Variants in CNKSR2 observed in about 807,000 individuals in gnomAD.
CNKSR2 encodes CNK homolog protein 2.
In CNKSR2, 14 loss-of-function variants were observed where a neutral mutation model predicts 84.4. The observed-to-expected ratio is 0.17, with a 90% confidence interval of 0.11 to 0.26. CNKSR2 has a LOEUF of 0.26. Ranked by LOEUF, CNKSR2 falls within the 10% of genes least tolerant of loss-of-function variation. The pLI is 1.00. For missense variants in CNKSR2, 485 were observed against 771.2 expected (o/e 0.63, Z 4.40); for synonymous variants, 275 against 277.9 (o/e 0.99, Z 0.10).
At chrX:21,469,545 TTG>T (rs1049808070) in intron 4 of CNKSR2, among the ~76,000 whole-genome samples, 3 of 110,546 alleles carry the variant, frequency 2.7e-5, no homozygotes, top group African/African-American at 9.9e-5. Context: ...GGAAATGGGT[TTG>T]TTTTTTTTTT....
Position 21,374,597 on chromosome X carries a change from A to AGCAGCAGCG in CNKSR2, c.-293_-292insGGCAGCAGC, listed in dbSNP as rs1715533003. On this transcript the variant is annotated 5_prime_UTR_variant, in exon 1 of 22. Coordinates refer to ENST00000379510, the MANE Select transcript of CNKSR2 (RefSeq NM_014927.5). ...GAGACCGGAGCGGAGCGGCGGAGGC[A>AGCAGCAGCG]GCAGCAGCAGCAGCAGCAGCAGCAG... The AGCAGCAGCG allele has an allele frequency of 1.0e-5, 3 of 294,403 alleles. No homozygotes were observed. In the African/African-American group the frequency reaches 1.6e-4, roughly 15 times the overall value. 24.3% of individuals were successfully genotyped at this position (294,403 alleles called of 1,213,427 possible). A position where few individuals can be genotyped will look rare whatever the true frequency, so the allele number is the denominator to read the frequency against.
rs772168806 is a variant in CNKSR2, at chrX:21,590,491, C to G, written c.1609-81C>G. The G allele has an allele frequency of 2.6e-5, 24 of 928,421 alleles. No individual in the cohort carries two copies. The South Asian group carries it at 5.5e-4, about 21-fold the overall frequency. The allele number at this position is 928,421 out of a possible 1,213,427, so 76.5% of individuals were successfully genotyped here. A position where few individuals can be genotyped will look rare whatever the true frequency, so the allele number is the denominator to read the frequency against. ...CAGTGTTTAGAGTCATCATTTAGCTCTTGAGAGTTCTGTGTAGCGTGCTGG... is the reference window on the plus strand; with the variant it reads ...CAGTGTTTAGAGTCATCATTTAGCTGTTGAGAGTTCTGTGTAGCGTGCTGG... On this transcript the variant is annotated intron_variant, in intron 13 of 21. Coordinates refer to ENST00000379510, the MANE Select transcript of CNKSR2 (RefSeq NM_014927.5).
chrX:21,628,894 T>C (rs1282415404), intron 20 of CNKSR2, among the ~76,000 whole-genome samples: 1 of 112,567 alleles, frequency 8.9e-6, no homozygotes, highest in Non-Finnish European at 1.9e-5. Context: ...AGCTTGAATT[T>C]CTCCTCAGAA....
intron 6 of CNKSR2, chrX:21,494,778 T>C (rs2091476242): frequency 9.0e-6 from 1 of 111,698 alleles, no homozygotes; most frequent in African/African-American, 3.3e-5. Flanking sequence ...AAGGCTTAGT[T>C]TGAGGACAGG....
chrX:21,458,426 G>T (rs758042750), intron 4 of CNKSR2, among the ~76,000 whole-genome samples: 77 of 112,296 alleles, frequency 6.9e-4, no homozygotes, highest in African/African-American at 2.4e-3. Context: ...AAGCTGGGAT[G>T]CTGTAAGGCA....
chrX:21,605,182 G>A (rs930859966), intron 18 of CNKSR2, among the ~76,000 whole-genome samples: 1 of 111,397 alleles, frequency 9.0e-6, no homozygotes, highest in Admixed American at 9.5e-5. Context: ...GCTAAGATTC[G>A]AACCTACACC....
intron 3 of CNKSR2, among the ~76,000 whole-genome samples, chrX:21,439,378 A>G (rs751730311): frequency 9.0e-6 from 1 of 111,247 alleles, no homozygotes; most frequent in African/African-American, 3.2e-5. Flanking sequence ...GGAAGTGTAT[A>G]GCACTGAATG....
intron 8 of CNKSR2, among the ~76,000 whole-genome samples, chrX:21,513,118 C>G (rs1441032375): frequency 8.9e-6 from 1 of 111,902 alleles, no homozygotes; most frequent in Non-Finnish European, 1.9e-5. Flanking sequence ...CGTGGACAAG[C>G]TAAACAGTTG....
At chrX:21,530,641 T>G (rs929046969) in intron 10 of CNKSR2, among the ~76,000 whole-genome samples, 4 of 111,272 alleles carry the variant, frequency 3.6e-5, no homozygotes, top group Non-Finnish European at 7.6e-5. Context: ...TGGCACTGTT[T>G]AGGGTAACCA....
In CNKSR2 at chrX:21,551,030, C is replaced by CA. The variant is rs201507178; in HGVS notation, c.1304-10426dup. ...TGGGCAACAGAGCAAGACTCCATCT[C>CA]AAAAAAAAAAAAAAATGAGTTTATG... is the stretch of plus-strand genomic sequence containing the variant. On this transcript the variant is annotated intron_variant, in intron 11 of 21. Coordinates refer to ENST00000379510, the MANE Select transcript of CNKSR2 (RefSeq NM_014927.5). Among the ~76,000 whole-genome samples the CA allele has an allele frequency of 5.1e-3, 396 of 77,694 alleles. 2 individuals are homozygous for CA. Among genetic ancestry groups the CA allele is most frequent in the Middle Eastern group, 6.9e-3 (1 of 145 alleles). 67.5% of individuals were successfully genotyped at this position (77,694 alleles called of 115,157 possible). A position where few individuals can be genotyped will look rare whatever the true frequency, so the allele number is the denominator to read the frequency against.
rs12844619 is a variant in CNKSR2, at chrX:21,648,907, A to G, written c.2769A>G (p.Pro923=). 2 of 1,191,676 alleles carry G rather than the reference A, an allele frequency of 1.7e-6. No homozygotes were observed. Among genetic ancestry groups the G allele is most frequent in the Non-Finnish European group, 2.3e-6 (2 of 886,309 alleles). The change falls in exon 21 of 22, where the codon CCA becomes CCG. Residue 923 remains proline (P), a synonymous_variant. Transcript: ENST00000379510. ...CACTGGAGCAGGCCAGTCTGTCACC[A>G]CTAGGAGAACATCGTATTTCAACCA... The part of the protein sequence containing the change: ...YRALEQASLS[P]LGEHRISTKM...
intron 20 of CNKSR2, among the ~76,000 whole-genome samples, chrX:21,628,646 C>A (rs2092634744): frequency 8.9e-6 from 1 of 111,783 alleles, no homozygotes; most frequent in South Asian, 3.8e-4. Context: ...CCAAGCTGTA[C>A]CTTGGCCCCT....
At chrX:21,413,495 A>G (rs1036039788) in intron 1 of CNKSR2, among the ~76,000 whole-genome samples, 3 of 110,653 alleles carry the variant, frequency 2.7e-5, no homozygotes, top group Non-Finnish European at 5.7e-5. Flanking sequence ...GTACAATTAA[A>G]TTATTCACTA....
At chrX:21,454,261 A>T (rs772578532) in intron 4 of CNKSR2, among the ~76,000 whole-genome samples, 2 of 111,754 alleles carry the variant, frequency 1.8e-5, no homozygotes, top group African/African-American at 3.2e-5. Flanking sequence ...TAAACACAAT[A>T]TTAAGTGCAA....
rs1381642571 is a variant in CNKSR2 at position 21,654,284 on chromosome X, A to AC, written c.*1763_*1764insC. 1 of 107,009 alleles carries AC rather than the reference A, an allele frequency of 9.3e-6. No individual in the cohort carries two copies. The highest frequency in any genetic ancestry group is 1.0e-4 in the Admixed American group (1 of 9,926). The allele number at this position is 107,009 out of a possible 1,213,427, so 8.8% of individuals were successfully genotyped here. ...GATTTTGTATATGTAAAAAAAAAAAAAAAAAAAAAACAAAAAACCTCTTGT... is the reference window on the plus strand; with the variant it reads ...GATTTTGTATATGTAAAAAAAAAAAACAAAAAAAAAACAAAAAACCTCTTGT... On this transcript the variant is annotated 3_prime_UTR_variant, in exon 22 of 22. Coordinates refer to ENST00000379510, the MANE Select transcript of CNKSR2 (RefSeq NM_014927.5).
intron 13 of CNKSR2, among the ~76,000 whole-genome samples, chrX:21,581,884 C>T (rs1204294157): frequency 1.8e-5 from 2 of 111,549 alleles, no homozygotes; most frequent in Non-Finnish European, 3.8e-5. Context: ...CAAAGCATTG[C>T]GTAGTATTGA....
rs772406393 is a variant in CNKSR2 at position 21,519,629 on chromosome X, G to A, written c.957+2998G>A. Among the ~76,000 whole-genome samples, 4 of 110,715 alleles carry A rather than the reference G, an allele frequency of 3.6e-5. No homozygotes were observed. In the South Asian group the frequency reaches 1.5e-3, roughly 42 times the overall value. On this transcript the variant is annotated intron_variant, in intron 9 of 21. Transcript: ENST00000379510. ...TCAAACTTGAAAAAATGGAAATGAG[G>A]TTATTTCTTTTTTCATAGGGTGTAC...
rs750988733 is a variant in CNKSR2, at chrX:21,484,162, G to A, written c.562-6297G>A. ...AAAAATTAGCTGGGCGTAGTGGTGC[G>A]CACCTGTAGTCCCAGCTACTTGGGA... On this transcript the variant is annotated intron_variant, in intron 5 of 21. Coordinates refer to ENST00000379510, the MANE Select transcript of CNKSR2 (RefSeq NM_014927.5). Among the ~76,000 whole-genome samples the A allele has an allele frequency of 2.7e-4, 30 of 110,694 alleles. 1 individual carries two copies. The highest frequency in any genetic ancestry group is 7.8e-4 in the South Asian group (2 of 2,577).
chrX:21,490,570 G>A lies in CNKSR2; in HGVS notation c.673G>A (p.Glu225Lys). The A allele has an allele frequency of 5.0e-6, 6 of 1,207,616 alleles. No individual in the cohort carries two copies. The highest frequency in any genetic ancestry group is 1.8e-5 in the South Asian group (1 of 56,348). ...VIQLANIKPS[E>K]GLGMYIKSTY... Reference sequence around the variant, plus strand: ...TCAACTGGCAAACATTAAACCAAGCGAAGGGCTGGTAAGAGATACCATGTT... The same window carrying A: ...TCAACTGGCAAACATTAAACCAAGCAAAGGGCTGGTAAGAGATACCATGTT... The change falls in exon 6 of 22, where the codon GAA becomes AAA. Residue 225 changes from glutamate (E) to lysine (K), a missense_variant. By Grantham distance (56) the Glu-to-Lys change is moderately conservative. Around this residue, in one of 5 missense-constraint regions of CNKSR2, gnomAD observed 109 missense variants for 197.5 expected, o/e 0.55. Coordinates refer to ENST00000379510, the MANE Select transcript of CNKSR2 (RefSeq NM_014927.5).
Sources: allele counts gnomAD v4.1 joint callset (sites outside exome capture counted in the v4.1 genomes callset), GRCh38; gene constraint gnomAD v4.1.1; regional missense constraint gnomAD v4.1.1; transcripts MANE v1.5; gene names NCBI Gene and HGNC (gene_info 2026-07-23, HGNC 2026-07-21).